RRBP1: variants seen among roughly 807,000 people sequenced by gnomAD.
RRBP1 encodes the protein ribosome-binding protein 1.
A neutral mutation model predicts 165.2 loss-of-function variants in RRBP1; 94 were observed. The ratio of observed to expected loss-of-function variants is 0.57; its 90% confidence interval spans 0.48 to 0.68. The LOEUF (loss-of-function observed/expected upper bound fraction) is 0.68. Among genes scored for constraint, RRBP1 ranks in the 30% least tolerant of loss-of-function variants. The pLI is 0.00. For synonymous variants in RRBP1, 680 were observed against 714.5 expected, an observed-to-expected ratio of 0.95 and a Z score of 0.77; for missense variants, 1,676 against 1,763.0, an observed-to-expected ratio of 0.95 and a Z score of 0.88.
chr20:17,630,446 C>T (rs998789210), intron 8 of RRBP1, among the ~76,000 whole-genome samples: 4 of 152,322 alleles, frequency 2.6e-5, no homozygotes, highest in African/African-American at 7.2e-5. Flanking sequence ...GGTTGAACCA[C>T]GTGAAATTGT....
At chr20:17,624,523 T>C in intron 13 of RRBP1, 53 bp downstream of exon 13, 1 of 1,207,256 alleles carries the variant, frequency 8.3e-7, no homozygotes, top group South Asian at 1.3e-5. Context: ...AGTGCATTTG[T>C]GCATCCTAGT....
At chr20:17,681,157 TC>T (rs1261790131) in intron 1 of RRBP1, among the ~76,000 whole-genome samples, 1 of 149,928 alleles carries the variant, frequency 6.7e-6, no homozygotes, top group Non-Finnish European at 1.5e-5. Context: ...GGTGTCCGCT[TC>T]CGCCCGGGGC....
chr20:17,644,681 C>T (rs371170870), intron 3 of RRBP1, among the ~76,000 whole-genome samples: 3 of 152,208 alleles, frequency 2.0e-5, no homozygotes, highest in Non-Finnish European at 2.9e-5. Flanking sequence ...CTGCGCCGTC[C>T]GATGTGCTGG....
chr20:17,618,975 A>G, intron 19 of RRBP1: 1 of 391,836 alleles, frequency 2.6e-6, no homozygotes, highest in South Asian at 2.5e-5. Flanking sequence ...TTTTTTTCAG[A>G]GATGGTCTCA....
intron 2 of RRBP1, among the ~76,000 whole-genome samples, chr20:17,675,347 A>T (rs1158364854): frequency 6.6e-6 from 1 of 152,218 alleles, no homozygotes; most frequent in Non-Finnish European, 1.5e-5. Context: ...AGTGCTACAA[A>T]ATCATCTCCA....
At chr20:17,616,616 T>G (rs1600722616) in intron 21 of RRBP1, 116 bp downstream of exon 21, 1 of 667,192 alleles carries the variant, frequency 1.5e-6, no homozygotes, top group Non-Finnish European at 2.6e-6. Context: ...CAGGGTGGGG[T>G]GGGGAAGCAG....
At position 17,622,447 on chromosome 20, in the gene RRBP1, G is replaced by A. The variant is rs551233859; in HGVS notation, c.3148-500C>T. On this transcript the variant is annotated intron_variant, in intron 13 of 24. Coordinates refer to ENST00000377813, the MANE Select transcript of RRBP1 (RefSeq NM_001365613.2). ...GCAGTGCGTCTGCTGGCGGCACCACGGTTAGGGGCTAGTGGCAGCCAGGAA... is the reference window on the plus strand; with the variant it reads ...GCAGTGCGTCTGCTGGCGGCACCACAGTTAGGGGCTAGTGGCAGCCAGGAA... Among the ~76,000 whole-genome samples, 61 of 152,164 alleles carry A rather than the reference G, an allele frequency of 4.0e-4. 1 individual carries two copies. In the Middle Eastern group the frequency reaches 0.024, roughly 59 times the overall value.
chr20:17,615,515 T>C lies in RRBP1; in HGVS notation c.3966A>G (p.Ala1322=). The part of the protein sequence containing the change: ...TAEFEEAQTS[A]CRLQEELEKL... Reference sequence around the variant, plus strand: ...TCTCCAATTCTTCTTGTAACCGACATGCCGAGGTCTGAGCCTTGCCGGAGA... The same window carrying C: ...TCTCCAATTCTTCTTGTAACCGACACGCCGAGGTCTGAGCCTTGCCGGAGA... The change falls in exon 23 of 25, where the codon GCA becomes GCG. Residue 1322 remains alanine (A), a synonymous_variant. Transcript: ENST00000377813. 6.2e-7 allele frequency: 1 copy of C among 1,605,588 alleles called. No individual in the cohort carries two copies. The highest frequency in any genetic ancestry group is 8.5e-7 in the Non-Finnish European group (1 of 1,177,402).
intron 13 of RRBP1, among the ~76,000 whole-genome samples, chr20:17,623,626 C>T (rs571360706): frequency 1.3e-5 from 2 of 152,334 alleles, no homozygotes; most frequent in South Asian, 4.1e-4. Flanking sequence ...GTCCTCCCCT[C>T]TGTGACTTAA....
intron 21 of RRBP1, 77 bp downstream of exon 21, chr20:17,616,655 T>C (rs1447593825): frequency 1.0e-6 from 1 of 968,454 alleles, no homozygotes; most frequent in African/African-American, 1.7e-5. Context: ...GTGCGGGGTT[T>C]AGTCCGAACG....
intron 7 of RRBP1, 50 bp downstream of exon 7, chr20:17,635,496 C>G (rs2036230998): frequency 7.1e-7 from 1 of 1,407,800 alleles, no homozygotes; most frequent in Non-Finnish European, 9.8e-7. Flanking sequence ...TGAAGCCTTC[C>G]TCGCTCCAGG....
chr20:17,632,760 A>C (rs2036175530), intron 8 of RRBP1, among the ~76,000 whole-genome samples: 1 of 152,168 alleles, frequency 6.6e-6, no homozygotes, highest in South Asian at 2.1e-4. Context: ...CACCTGCCCA[A>C]CACAGGCCAG....
rs1370013988 is a variant in RRBP1 at position 17,660,245 on chromosome 20, G to A, written c.263C>T (p.Pro88Leu). 3.7e-6 allele frequency: 6 copies of A among 1,611,696 alleles called. No homozygotes were observed. Among genetic ancestry groups the A allele is most frequent in the Non-Finnish European group, 5.1e-6 (6 of 1,178,708 alleles). ...AAGGAGGACAGTCACATTGGGGGCT[G>A]GATCATGATCAGGTATCTTCCCATT... ...KPNGKIPDHD[P>L]APNVTVLLRE... Residue 88 changes from proline (P) to leucine (L), a missense_variant, in exon 3 of 25, where the codon CCA becomes CTA. By Grantham distance (98) the Pro-to-Leu change is moderately conservative (BLOSUM62 -3). This residue lies in a region of RRBP1 where 392 missense variants were observed against 382.5 expected (regional missense o/e 1.02). Transcript: ENST00000377813.
intron 18 of RRBP1, 69 bp from the exon 19 acceptor site, chr20:17,619,797 G>A (rs1374239695): frequency 2.5e-6 from 3 of 1,198,234 alleles, no homozygotes; most frequent in East Asian, 5.2e-5. Context: ...TCACCTCAGG[G>A]AGCAGGCTGG....
chr20:17,627,287 A>T, intron 11 of RRBP1, 61 bp downstream of exon 11: 2 of 1,576,570 alleles, frequency 1.3e-6, no homozygotes, highest in Non-Finnish European at 1.7e-6. Flanking sequence ...TGGCCCCCCA[A>T]GGGTCTTTGG....
intron 3 of RRBP1, among the ~76,000 whole-genome samples, chr20:17,647,903 G>C (rs1485526695): frequency 1.3e-5 from 2 of 152,138 alleles, no homozygotes; most frequent in African/African-American, 2.4e-5. Context: ...TCGCAATCTT[G>C]GCGTGCCTTC....
rs1287007624 is a variant in RRBP1 at position 17,629,862 on chromosome 20, C to T, written c.2710G>A (p.Asp904Asn). Residue 904 changes from aspartate (D) to asparagine (N), a missense_variant, in exon 9 of 25, where the codon GAT becomes AAT. Asp to Asn is a conservative substitution (Grantham distance 23, BLOSUM62 1). This residue lies in a region of RRBP1 where 1,184 missense variants were observed against 1,167.1 expected (regional missense o/e 1.01). Transcript: ENST00000377813. ...TGTTGCTCCTGGGCCTTCTCGGCATCCGCCCGGAGGCTGGCGTGGCTGCTC... is the reference window on the plus strand; with the variant it reads ...TGTTGCTCCTGGGCCTTCTCGGCATTCGCCCGGAGGCTGGCGTGGCTGCTC... ...TQSSHASLRA[D>N]AEKAQEQQQQ... 7 of 1,599,914 alleles carry T rather than the reference C, an allele frequency of 4.4e-6. No homozygotes were observed. In the East Asian group the frequency reaches 1.1e-4, roughly 25 times the overall value.
At position 17,627,585 on chromosome 20, in the gene RRBP1, C is replaced by G. The variant is rs761060079; in HGVS notation, c.2847G>C (p.Glu949Asp). ...LHGQLQEARA[E>D]NSQLTERIRS... ...GGATTCTCTCTGTGAGCTGGGAGTT[C>G]TCCGCCCTGGCCTCCTGGAGCTGCC... is the stretch of plus-strand genomic sequence containing the variant. The change falls in exon 10 of 25, where the codon GAG becomes GAC. Residue 949 changes from glutamate (E) to aspartate (D), a missense_variant. Physicochemically the swap from Glu to Asp is conservative, Grantham distance 45 (BLOSUM62 2). Coordinates refer to ENST00000377813, the MANE Select transcript of RRBP1 (RefSeq NM_001365613.2). 6.2e-7 allele frequency: 1 copy of G among 1,613,614 alleles called. No individual in the cohort carries two copies. Among genetic ancestry groups the G allele is most frequent in the Non-Finnish European group, 8.5e-7 (1 of 1,179,978 alleles).
intron 3 of RRBP1, among the ~76,000 whole-genome samples, chr20:17,653,908 C>A (rs1034550300): frequency 6.6e-6 from 1 of 151,764 alleles, no homozygotes; most frequent in Admixed American, 6.6e-5. Context: ...TGCCTCACAA[C>A]CCCCAGCCAC....
Sources: gnomAD v4.1 joint callset for allele counts (sites outside exome capture counted in the v4.1 genomes callset) on GRCh38, gnomAD v4.1.1 for gene constraint, gnomAD v4.1.1 regional missense constraint, MANE v1.5 for transcripts, NCBI Gene and HGNC (gene_info 2026-07-23, HGNC 2026-07-21) for gene names.